CNTN5: variants seen among roughly 807,000 people sequenced by gnomAD.
The protein encoded by CNTN5 is contactin-5.
Under a neutral mutation model 129.1 loss-of-function variants are expected in CNTN5, and 77 were observed. The ratio of observed to expected loss-of-function variants is 0.60; its 90% CI spans 0.50 to 0.72. The LOEUF is 0.72. Ranked by LOEUF, CNTN5 falls within the 30% of genes least tolerant of loss-of-function variation. The probability of loss-of-function intolerance (pLI) is 0.00; values close to 1 mark genes in which losing one functional copy is unlikely to be tolerated. For synonymous variants in CNTN5, 509 were observed against 465.6 expected, an observed-to-expected ratio of 1.09 and a Z score of -1.20; for missense variants, 1,478 against 1,328.8, an observed-to-expected ratio of 1.11 and a Z score of -1.75.
At chr11:99,598,298 T>C (rs61911125) in intron 3 of CNTN5, among the ~76,000 whole-genome samples, 1 of 3,118 alleles carries the variant, frequency 3.2e-4, no homozygotes, top group Admixed American at 2.7e-3. Flanking sequence ...TCTTTTCTTT[T>C]CTTTTCTTTT....
intron 1 of CNTN5, among the ~76,000 whole-genome samples, chr11:99,181,499 G>T (rs1347659776): frequency 1.3e-5 from 2 of 152,086 alleles, no homozygotes; most frequent in African/African-American, 2.4e-5. Flanking sequence ...ATTCCTGGGG[G>T]CCTCCCGCGG....
intron 18 of CNTN5, among the ~76,000 whole-genome samples, chr11:100,284,079 T>C (rs529865734): frequency 6.6e-6 from 1 of 152,334 alleles, no homozygotes; most frequent in African/African-American, 2.4e-5. Flanking sequence ...TGTTGCACTC[T>C]CCCTCTCCCA....
chr11:99,293,818 G>A (rs1478138926), intron 1 of CNTN5, among the ~76,000 whole-genome samples: 1 of 151,684 alleles, frequency 6.6e-6, no homozygotes, highest in African/African-American at 2.4e-5. Flanking sequence ...TTTTGTCTTA[G>A]TCTAGCTAAA....
chr11:99,217,871 T>C (rs919704755), intron 1 of CNTN5, among the ~76,000 whole-genome samples: 2 of 152,108 alleles, frequency 1.3e-5, no homozygotes, highest in African/African-American at 4.8e-5. Flanking sequence ...AATTGCTACC[T>C]CCTTTCCAAG....
At chr11:100,128,132 T>C (rs938861996) in intron 13 of CNTN5, among the ~76,000 whole-genome samples, 7 of 152,134 alleles carry the variant, frequency 4.6e-5, no homozygotes, top group Non-Finnish European at 7.4e-5. Context: ...CAAACTCATA[T>C]ATCCAATTGC....
chr11:100,070,916 T>A (rs1348119263), intron 11 of CNTN5, among the ~76,000 whole-genome samples: 3 of 152,242 alleles, frequency 2.0e-5, no homozygotes, highest in Middle Eastern at 3.4e-3. Flanking sequence ...TATTTCCATT[T>A]GTAGCTAACC....
intron 1 of CNTN5, among the ~76,000 whole-genome samples, chr11:99,304,072 A>G (rs1043445055): frequency 9.9e-5 from 15 of 152,130 alleles, no homozygotes; most frequent in Non-Finnish European, 1.9e-4. Context: ...ACCTAAAATG[A>G]TTTCAAGCTA....
chr11:99,735,547 A>G (rs1943678289), intron 3 of CNTN5, among the ~76,000 whole-genome samples: 1 of 152,136 alleles, frequency 6.6e-6, no homozygotes, highest in African/African-American at 2.4e-5. Flanking sequence ...GATACCTACT[A>G]TGTGTTAGAA....
chr11:99,160,860 T>C (rs1388950608), intron 1 of CNTN5, among the ~76,000 whole-genome samples: 1 of 152,176 alleles, frequency 6.6e-6, no homozygotes, highest in East Asian at 1.9e-4. Context: ...AGATACATAT[T>C]ACATGCCAAG....
chr11:100,073,677 G>A (rs1301944167), intron 12 of CNTN5, among the ~76,000 whole-genome samples: 1 of 151,672 alleles, frequency 6.6e-6, no homozygotes, highest in Non-Finnish European at 1.5e-5. Context: ...TTTAAACAAT[G>A]TATTATATAA....
chr11:100,011,099 G>A (rs1168432027), intron 9 of CNTN5, among the ~76,000 whole-genome samples: 1 of 152,092 alleles, frequency 6.6e-6, no homozygotes, highest in East Asian at 1.9e-4. Flanking sequence ...TTTCATAACA[G>A]GAGGTGTGTT....
chr11:99,927,436 A>C lies in CNTN5; in HGVS notation c.673+11287A>C, dbSNP rs114696358. On this transcript the variant is annotated intron_variant, in intron 7 of 24. Transcript: ENST00000524871. ...GTGCATTATCCCGCTGCTATGAAGA[A>C]ATACCTGAGACTGGGTAATTTAGAA... is the stretch of plus-strand genomic sequence containing the variant. Among the ~76,000 whole-genome samples the C allele has an allele frequency of 7.9e-3, 1,204 of 152,290 alleles. 28 individuals are homozygous for C. The highest frequency in any genetic ancestry group is 0.027 in the African/African-American group (1,124 of 41,566).
At chr11:99,409,200 C>A (rs1942273109) in intron 2 of CNTN5, among the ~76,000 whole-genome samples, 1 of 152,228 alleles carries the variant, frequency 6.6e-6, no homozygotes, top group South Asian at 2.1e-4. Context: ...CACGATGGCT[C>A]AGGCCCGTAA....
At position 99,961,100 on chromosome 11, in the gene CNTN5, G is replaced by C. The variant is rs559189753; in HGVS notation, c.877+4091G>C. ...CATGCCTGTAGTCCCCACTACCCGG[G>C]AGGCTGAGACAGGAGAATCTCTGGA... On this transcript the variant is annotated intron_variant, in intron 8 of 24. Coordinates refer to ENST00000524871, the MANE Select transcript of CNTN5 (RefSeq NM_014361.4). Among the ~76,000 whole-genome samples, 132 of 151,270 alleles carry C rather than the reference G, an allele frequency of 8.7e-4. No homozygotes were observed. In the South Asian group the frequency reaches 0.011, roughly 13 times the overall value.
At chr11:100,083,272 G>A (rs1420739415) in intron 13 of CNTN5, among the ~76,000 whole-genome samples, 1 of 148,828 alleles carries the variant, frequency 6.7e-6, no homozygotes, top group Non-Finnish European at 1.5e-5. Flanking sequence ...AGCTGATATT[G>A]TACCACTGTA....
rs114993030 is a variant in CNTN5 at position 100,292,162 on chromosome 11, C to G, written c.2315-5463C>G. On this transcript the variant is annotated intron_variant, in intron 18 of 24. Coordinates refer to ENST00000524871, the MANE Select transcript of CNTN5 (RefSeq NM_014361.4). ...TCTTTCCACTTTATTTTGTACTTTC[C>G]AGCGGTGCTCTGGTACTTTCCAGGT... Among the ~76,000 whole-genome samples the G allele has an allele frequency of 3.1e-3, 468 of 152,110 alleles. 3 individuals are homozygous for G. The highest frequency in any genetic ancestry group is 0.011 in the African/African-American group (437 of 41,514).
At chr11:99,654,766 T>G (rs1952288198) in intron 3 of CNTN5, among the ~76,000 whole-genome samples, 1 of 152,106 alleles carries the variant, frequency 6.6e-6, no homozygotes, top group African/African-American at 2.4e-5. Context: ...AAACAAATCT[T>G]AGAAGATGTA....
In CNTN5 at chr11:99,838,783, A is replaced by G. The variant is rs1222007491; in HGVS notation, c.278-6069A>G. On this transcript the variant is annotated intron_variant, in intron 4 of 24. Coordinates refer to ENST00000524871, the MANE Select transcript of CNTN5 (RefSeq NM_014361.4). Reference sequence around the variant, plus strand: ...TGAAAAAATTTCCTTTGGATATGCAATGGTCTTCTTCTTGAGGGAGTGACC... The same window carrying G: ...TGAAAAAATTTCCTTTGGATATGCAGTGGTCTTCTTCTTGAGGGAGTGACC... Among the ~76,000 whole-genome samples the G allele has an allele frequency of 4.6e-5, 7 of 152,224 alleles. No homozygotes were observed. In the South Asian group the frequency reaches 8.3e-4, roughly 18 times the overall value.
chr11:100,179,873 C>A (rs1307143588), intron 13 of CNTN5, among the ~76,000 whole-genome samples: 1 of 152,014 alleles, frequency 6.6e-6, no homozygotes, highest in Non-Finnish European at 1.5e-5. Flanking sequence ...AGTAGATAAT[C>A]GTAATAGTCC....
Sources: gnomAD v4.1 joint callset for allele counts (sites outside exome capture counted in the v4.1 genomes callset) on GRCh38, gnomAD v4.1.1 for gene constraint, MANE v1.5 for transcripts, NCBI Gene and HGNC (gene_info 2026-07-23, HGNC 2026-07-21) for gene names.